The following IL15 variants were observed in gnomAD, a reference collection of about 807,000 sequenced individuals.
The protein encoded by IL15 is interleukin 15, also known as interleukin-15.
Under a neutral mutation model 19.6 loss-of-function variants are expected in IL15, and 11 were observed. The observed-to-expected ratio is 0.56, with a 90% CI of 0.35 to 0.93. The LOEUF (loss-of-function observed/expected upper bound fraction) is 0.93, where lower values mean the gene tolerates loss of function less well. Ranked by LOEUF, IL15 falls within the 40% of genes least tolerant of loss-of-function variation. The probability of loss-of-function intolerance (pLI) is 0.01; values close to 1 mark genes in which losing one functional copy is unlikely to be tolerated. For synonymous variants in IL15, 58 were observed against 59.6 expected (o/e 0.97, Z 0.12); for missense variants, 197 against 186.5 (o/e 1.06, Z -0.33).
chr4:141,721,802 C>A, intron 4 of IL15, 122 bp from the exon 5 acceptor site: 1 of 835,464 alleles, frequency 1.2e-6, no homozygotes, highest in South Asian at 1.8e-5. Flanking sequence ...TGCACAGAAG[C>A]AAGGATAACA....
At chr4:141,637,353 A>G (rs1037122243) in intron 1 of IL15, 1 of 152,270 alleles carries the variant, frequency 6.6e-6, no homozygotes, top group African/African-American at 2.4e-5. Flanking sequence ...TTGCTTGCAC[A>G]CGTCTTCTGG....
Position 141,733,206 on chromosome 4 carries a change from A to G in IL15, c.*358A>G, listed in dbSNP as rs565570026. 22 of 182,568 alleles carry G rather than the reference A, an allele frequency of 1.2e-4. 1 individual carries two copies. The South Asian group carries it at 2.3e-3, about 19-fold the overall frequency. The allele number at this position is 182,568 out of a possible 1,614,324, so 11.3% of individuals were successfully genotyped here. A position where few individuals can be genotyped will look rare whatever the true frequency, so the allele number is the denominator to read the frequency against. ...GCAAAATAGCATTTGTTTAAGGGTG[A>G]TAGTCAAATTATGTATTGGTGGGGC... On this transcript the variant is annotated 3_prime_UTR_variant, in exon 8 of 8. Transcript: ENST00000320650.
intron 5 of IL15, among the ~76,000 whole-genome samples, chr4:141,723,242 T>C (rs181921551): frequency 4.3e-4 from 65 of 152,308 alleles, no homozygotes; most frequent in African/African-American, 1.5e-3. Flanking sequence ...TCTTGGAACC[T>C]TAAAATGTGA....
At chr4:141,659,541 T>C (rs1175977102) in intron 2 of IL15, among the ~76,000 whole-genome samples, 1 of 152,176 alleles carries the variant, frequency 6.6e-6, no homozygotes, top group Non-Finnish European at 1.5e-5. Context: ...TTGCTACCAT[T>C]GAGGGGTTAA....
chr4:141,720,405 GT>G, intron 3 of IL15, 63 bp from the exon 4 acceptor site: 1 of 808,734 alleles, frequency 1.2e-6, no homozygotes, highest in South Asian at 1.5e-5. Context: ...ATGTTGACAT[GT>G]TATTTTAAAC....
chr4:141,649,734 G>A (rs1029239092), intron 1 of IL15, among the ~76,000 whole-genome samples: 3 of 151,960 alleles, frequency 2.0e-5, no homozygotes, highest in African/African-American at 4.8e-5. Context: ...TCCCCAGTAG[G>A]AGCACGCTTG....
At chr4:141,680,242 C>A (rs897856567) in intron 2 of IL15, among the ~76,000 whole-genome samples, 7 of 152,178 alleles carry the variant, frequency 4.6e-5, no homozygotes, top group Non-Finnish European at 8.8e-5. Context: ...TGCTGATTAT[C>A]TAGCTTGATA....
intron 1 of IL15, among the ~76,000 whole-genome samples, chr4:141,637,769 A>G (rs907433166): frequency 6.6e-6 from 1 of 152,210 alleles, no homozygotes; most frequent in Non-Finnish European, 1.5e-5. Context: ...AGTTTCCATT[A>G]TATATTTTTA....
At chr4:141,719,516 C>A in intron 3 of IL15, 40 bp downstream of exon 3, 1 of 1,337,586 alleles carries the variant, frequency 7.5e-7, no homozygotes, top group Non-Finnish European at 1.1e-6. Flanking sequence ...ATGGAATTTC[C>A]CTTAAAGGTC....
At chr4:141,690,667 A>G (rs1436233652) in intron 2 of IL15, among the ~76,000 whole-genome samples, 2 of 152,228 alleles carry the variant, frequency 1.3e-5, no homozygotes, top group Non-Finnish European at 2.9e-5. Flanking sequence ...CCCTCTGCAT[A>G]GTGGTCCAGA....
chr4:141,690,642 C>T (rs1241584534), intron 2 of IL15, among the ~76,000 whole-genome samples: 3 of 152,186 alleles, frequency 2.0e-5, no homozygotes, highest in African/African-American at 7.2e-5. Context: ...TACCCTAAGC[C>T]TTGCTTCCTT....
intron 2 of IL15, among the ~76,000 whole-genome samples, chr4:141,709,921 C>G (rs1249784923): frequency 1.3e-5 from 2 of 151,572 alleles, no homozygotes; most frequent in Admixed American, 1.3e-4. Flanking sequence ...TTGTTCTCCT[C>G]CCACCCTCCC....
chr4:141,672,044 T>C (rs1298871133), intron 2 of IL15, among the ~76,000 whole-genome samples: 2 of 152,246 alleles, frequency 1.3e-5, no homozygotes, highest in African/African-American at 4.8e-5. Flanking sequence ...TGTGTGTGTT[T>C]CAATCATCAT....
At chr4:141,690,099 C>T (rs1284269615) in intron 2 of IL15, among the ~76,000 whole-genome samples, 1 of 151,510 alleles carries the variant, frequency 6.6e-6, no homozygotes, top group Non-Finnish European at 1.5e-5. Flanking sequence ...CCGCTGGCCC[C>T]GGTGCTAAGT....
chr4:141,720,499 T>C lies in IL15; in HGVS notation c.43T>C (p.Cys15Arg), dbSNP rs761348755. 1.9e-6 allele frequency: 3 copies of C among 1,593,096 alleles called. No individual in the cohort carries two copies. Among genetic ancestry groups the C allele is most frequent in the Non-Finnish European group, 2.6e-6 (3 of 1,161,470 alleles). The change falls in exon 4 of 8, where the codon TGC becomes CGC. Residue 15 changes from cysteine (C) to arginine (R), a missense_variant. By Grantham distance (180) the Cys-to-Arg change is radical. Coordinates refer to ENST00000320650, the MANE Select transcript of IL15 (RefSeq NM_000585.5). ...ACATTTGAGAAGTATTTCCATCCAG[T>C]GCTACTTGTGTTTACTTCTAAACAG... ...KPHLRSISIQ[C>R]YLCLLLNSHF...
intron 2 of IL15, among the ~76,000 whole-genome samples, chr4:141,678,284 A>C (rs567515932): frequency 6.6e-6 from 1 of 151,984 alleles, no homozygotes; most frequent in South Asian, 2.1e-4. Context: ...TCTACTTTCT[A>C]CCCTTTCTCC....
intron 2 of IL15, among the ~76,000 whole-genome samples, chr4:141,674,021 T>C (rs1382813533): frequency 6.6e-6 from 1 of 152,240 alleles, no homozygotes; most frequent in Non-Finnish European, 1.5e-5. Context: ...AAAGTTGATA[T>C]TAAAGTGTTA....
intron 2 of IL15, among the ~76,000 whole-genome samples, chr4:141,674,106 C>G (rs916361189): frequency 2.0e-5 from 3 of 152,160 alleles, no homozygotes; most frequent in African/African-American, 7.2e-5. Flanking sequence ...AGCCCTTGTG[C>G]TTTTGTATGC....
At chr4:141,722,890 C>G (rs922704448) in intron 5 of IL15, among the ~76,000 whole-genome samples, 2 of 152,050 alleles carry the variant, frequency 1.3e-5, no homozygotes, top group Middle Eastern at 3.4e-3. Context: ...ATAAAGCAAA[C>G]TGTAAAGGCT....
Sources: allele counts gnomAD v4.1 joint callset (sites outside exome capture counted in the v4.1 genomes callset), GRCh38; gene constraint gnomAD v4.1.1; transcripts MANE v1.5; gene names NCBI Gene and HGNC (gene_info 2026-07-23, HGNC 2026-07-21).